Variants in ELP3 observed in about 807,000 individuals in gnomAD.
ELP3 encodes the protein elongator complex protein 3.
In ELP3, 56 loss-of-function variants were observed where a neutral mutation model predicts 74.9. The observed-to-expected ratio is 0.75, with a 90% CI of 0.60 to 0.93. The LOEUF (loss-of-function observed/expected upper bound fraction) is 0.93, where lower values mean the gene tolerates loss of function less well. Ranked by LOEUF, ELP3 falls within the 40% of genes least tolerant of loss-of-function variation. The probability of loss-of-function intolerance (pLI) is 0.00; values close to 1 mark genes in which losing one functional copy is unlikely to be tolerated. For missense variants in ELP3, 573 were observed against 686.5 expected (o/e 0.83, Z 1.85); for synonymous variants, 222 against 239.8 (o/e 0.93, Z 0.68).
At chr8:28,099,417 G>C (rs542191256) in intron 2 of ELP3, among the ~76,000 whole-genome samples, 3 of 152,276 alleles carry the variant, frequency 2.0e-5, no homozygotes, top group Admixed American at 6.5e-5. Flanking sequence ...AGTACATAGA[G>C]ACCAAGGATG....
chr8:28,146,800 A>G (rs1813450983), intron 10 of ELP3, among the ~76,000 whole-genome samples: 1 of 152,232 alleles, frequency 6.6e-6, no homozygotes, highest in African/African-American at 2.4e-5. Context: ...TAATGAGGAA[A>G]AACTTCCATC....
chr8:28,133,223 C>T (rs2130467140), intron 9 of ELP3, among the ~76,000 whole-genome samples: 1 of 152,116 alleles, frequency 6.6e-6, no homozygotes, highest in East Asian at 1.9e-4. Context: ...TTACTAATTA[C>T]ATTTCTTTCA....
At chr8:28,166,510 C>T (rs972881130) in intron 14 of ELP3, among the ~76,000 whole-genome samples, 10 of 152,202 alleles carry the variant, frequency 6.6e-5, no homozygotes, top group Non-Finnish European at 1.2e-4. Context: ...TATCAACACA[C>T]GTCTGTTCAA....
intron 2 of ELP3, 45 bp from the exon 3 acceptor site, chr8:28,099,783 C>T: frequency 6.2e-7 from 1 of 1,611,030 alleles, no homozygotes; most frequent in Non-Finnish European, 8.5e-7. Flanking sequence ...GTAGCTTGTC[C>T]TTAAATAACC....
chr8:28,128,415 G>T (rs1158290038), intron 7 of ELP3, among the ~76,000 whole-genome samples: 1 of 152,170 alleles, frequency 6.6e-6, no homozygotes, highest in Non-Finnish European at 1.5e-5. Context: ...GGTAGAGGTT[G>T]CAGTGAGCCA....
chr8:28,138,075 A>T (rs1813065969), intron 10 of ELP3, among the ~76,000 whole-genome samples, 184 bp downstream of exon 10: 1 of 152,162 alleles, frequency 6.6e-6, no homozygotes, highest in African/African-American at 2.4e-5. Context: ...TTTGCCAATA[A>T]CGTATTTATT....
chr8:28,173,638 T>C (rs901770936), intron 14 of ELP3, among the ~76,000 whole-genome samples: 3 of 151,886 alleles, frequency 2.0e-5, no homozygotes, highest in African/African-American at 7.2e-5. Flanking sequence ...TCTTTTTTTT[T>C]CTAGTTCCTT....
At chr8:28,149,207 T>C (rs1813549522) in intron 10 of ELP3, among the ~76,000 whole-genome samples, 1 of 152,226 alleles carries the variant, frequency 6.6e-6, no homozygotes, top group African/African-American at 2.4e-5. Flanking sequence ...GTAGTTTTCT[T>C]GTAAGTTCTT....
intron 10 of ELP3, among the ~76,000 whole-genome samples, chr8:28,146,005 T>C (rs1813417864): frequency 6.6e-6 from 1 of 152,226 alleles, no homozygotes; most frequent in East Asian, 1.9e-4. Flanking sequence ...TTTCACACTT[T>C]TAAAATTTTA....
At chr8:28,146,173 C>G (rs1585706104) in intron 10 of ELP3, among the ~76,000 whole-genome samples, 1 of 152,140 alleles carries the variant, frequency 6.6e-6, no homozygotes, top group Non-Finnish European at 1.5e-5. Context: ...AAGCAGCATC[C>G]TAATAGAAGA....
rs145719626 is a variant in ELP3 at position 28,179,763 on chromosome 8, C to T, written c.1568-9886C>T. ...CGTAGTTCACAATAGGATTTGTGCT[C>T]CTTTGAGAATCTAATGCCACTGCTG... On this transcript the variant is annotated intron_variant, in intron 14 of 14. Coordinates refer to ENST00000256398, the MANE Select transcript of ELP3 (RefSeq NM_018091.6). 9.4e-3 allele frequency among the ~76,000 whole-genome samples: 1,424 copies of T among 152,210 alleles called. 26 individuals carry two copies. The highest frequency in any genetic ancestry group is 0.032 in the African/African-American group (1,321 of 41,514).
intron 7 of ELP3, among the ~76,000 whole-genome samples, chr8:28,117,465 C>T (rs183454980): frequency 6.8e-4 from 103 of 152,250 alleles, no homozygotes; most frequent in Non-Finnish European, 1.1e-3. Context: ...AATCCTCTTT[C>T]AGTAATATTC....
rs1563250443 is a variant in ELP3 at position 28,107,912 on chromosome 8, G to C, written c.330-1G>C. 2 of 1,613,752 alleles carry C rather than the reference G, an allele frequency of 1.2e-6. No individual in the cohort carries two copies. The highest frequency in any genetic ancestry group is 2.2e-5 in the South Asian group (2 of 91,058). On this transcript the variant is annotated splice_acceptor_variant, in intron 4 of 14. Coordinates refer to ENST00000256398, the MANE Select transcript of ELP3 (RefSeq NM_018091.6). LOFTEE classifies it high-confidence loss of function. ...TTCTTGTTCTTTTGTTGTACTGGCA[G>C]ATACTGCCCTGGTGGACCTGATTCT...
chr8:28,141,771 T>C (rs1813247209), intron 10 of ELP3, among the ~76,000 whole-genome samples: 1 of 152,146 alleles, frequency 6.6e-6, no homozygotes. Flanking sequence ...CTGCAGTAAA[T>C]AGCATTCACA....
intron 11 of ELP3, among the ~76,000 whole-genome samples, chr8:28,157,289 C>CAAAAAAAAAAAAA (rs35938340): frequency 1.9e-5 from 2 of 106,762 alleles, no homozygotes; most frequent in African/African-American, 3.3e-5. Flanking sequence ...AAAAGCATGC[C>CAAAAAAAAAAAAA]AAAAAAAAAA....
intron 2 of ELP3, among the ~76,000 whole-genome samples, 160 bp from the exon 3 acceptor site, chr8:28,099,667 CT>C (rs1217770775): frequency 6.6e-6 from 1 of 152,204 alleles, no homozygotes; most frequent in Non-Finnish European, 1.5e-5. Context: ...GAATTTTATT[CT>C]TCTATTTCCC....
rs754050573 is a variant in ELP3, at chr8:28,189,655, GC to G, written c.1575del (p.Thr526ProfsTer18). 3.7e-6 allele frequency: 6 copies of G among 1,614,020 alleles called. No individual in the cohort carries two copies. Among genetic ancestry groups the G allele is most frequent in the Non-Finnish European group, 4.2e-6 (5 of 1,179,958 alleles). On this transcript the variant is annotated frameshift_variant, in exon 15 of 15. Transcript: ENST00000256398. LOFTEE classifies it high-confidence loss of function. Reference sequence around the variant, plus strand: ...AACTTCGATTTTTCTGCAGGGGTCGGCACCAGGAATTATTATAGAAAGATCG... The same window carrying G: ...AACTTCGATTTTTCTGCAGGGGTCGGACCAGGAATTATTATAGAAAGATCG... ...SGKIAVISGV[G>X]TRNYYRKIGY...
At chr8:28,119,087 A>C (rs1159258803) in intron 7 of ELP3, 3 of 152,240 alleles carry the variant, frequency 2.0e-5, no homozygotes, top group Non-Finnish European at 2.9e-5. Context: ...CATTTCTGGC[A>C]GGCCTCAGGA....
chr8:28,092,923 G>A, upstream of ELP3: 1 of 558,118 alleles, frequency 1.8e-6, no homozygotes, highest in South Asian at 1.9e-5. Flanking sequence ...GTACTGCCCA[G>A]GTCGAGCTTT....
Sources: gnomAD v4.1 joint callset for allele counts (sites outside exome capture counted in the v4.1 genomes callset) on GRCh38, gnomAD v4.1.1 for gene constraint, MANE v1.5 for transcripts, NCBI Gene and HGNC (gene_info 2026-07-23, HGNC 2026-07-21) for gene names.